FOXP1: variants seen among roughly 807,000 people sequenced by gnomAD.
FOXP1 encodes the protein forkhead box protein P1.
A neutral mutation model predicts 98.2 loss-of-function variants in FOXP1; 15 were observed. The observed-to-expected ratio is 0.15, with a 90% CI of 0.10 to 0.24. FOXP1 has a LOEUF of 0.24. Ranked by LOEUF, FOXP1 falls within the 10% of genes least tolerant of loss-of-function variation. FOXP1 has a pLI of 1.00. For missense variants in FOXP1, 633 were observed against 848.5 expected (o/e 0.75, Z 3.15); for synonymous variants, 371 against 314.5 (o/e 1.18, Z -1.90).
intron 19 of FOXP1, chr3:70,970,401 G>C (rs1395281741): frequency 2.9e-6 from 1 of 347,202 alleles, no homozygotes; most frequent in African/African-American, 2.1e-5. Context: ...CTATCATCCA[G>C]CACATTAATA....
chr3:70,993,393 T>C (rs2040904432), intron 13 of FOXP1, among the ~76,000 whole-genome samples: 1 of 152,080 alleles, frequency 6.6e-6, no homozygotes, highest in African/African-American at 2.4e-5. Flanking sequence ...GCCACAATGA[T>C]CCTCTGGGTG....
rs189678752 is a variant in FOXP1, at chr3:71,534,312, G to A, written c.-297-40757C>T. 6.6e-5 allele frequency among the ~76,000 whole-genome samples: 10 copies of A among 152,206 alleles called. No individual in the cohort carries two copies. In the East Asian group the frequency reaches 1.7e-3, roughly 26 times the overall value. ...TGGGGGGGTGGAGGTTGCAGTGAGT[G>A]GAGATCACGCCATTGCACTCCAGCC... On this transcript the variant is annotated intron_variant, in intron 2 of 20. Coordinates refer to ENST00000649528, the MANE Select transcript of FOXP1 (RefSeq NM_001349338.3).
intron 5 of FOXP1, among the ~76,000 whole-genome samples, chr3:71,241,233 AAAAAAAC>A (rs2067253597): frequency 2.1e-5 from 3 of 141,162 alleles, no homozygotes; most frequent in Non-Finnish European, 4.7e-5. Context: ...AAAACAAAAC[AAAAAAAC>A]AAAAAAAAAA....
chr3:71,190,465 AAAC>A (rs2062896160), intron 6 of FOXP1, among the ~76,000 whole-genome samples: 1 of 126,008 alleles, frequency 7.9e-6, no homozygotes, highest in Non-Finnish European at 1.5e-5. Flanking sequence ...ACAAAAAGAA[AAAC>A]AACAACAAAA....
chr3:71,390,821 G>C (rs41412549), intron 3 of FOXP1, among the ~76,000 whole-genome samples: 1,841 of 152,238 alleles, frequency 0.012, 44 homozygotes, highest in African/African-American at 0.042. Flanking sequence ...TCAAATTCTT[G>C]TGCAGTGCCG....
At chr3:71,423,725 T>G (rs2083854129) in intron 3 of FOXP1, among the ~76,000 whole-genome samples, 1 of 152,188 alleles carries the variant, frequency 6.6e-6, no homozygotes, top group South Asian at 2.1e-4. Flanking sequence ...CCAGGCACAC[T>G]GTATCTCCCA....
intron 4 of FOXP1, among the ~76,000 whole-genome samples, chr3:71,343,176 C>T (rs1231459938): frequency 6.6e-6 from 1 of 152,222 alleles, no homozygotes; most frequent in African/African-American, 2.4e-5. Flanking sequence ...CTACTTCTCA[C>T]TAACATAGAG....
At chr3:71,176,971 G>C (rs1462646017) in intron 6 of FOXP1, among the ~76,000 whole-genome samples, 1 of 152,078 alleles carries the variant, frequency 6.6e-6, no homozygotes, top group Non-Finnish European at 1.5e-5. Flanking sequence ...TTTGAGGCAA[G>C]AGGATCAATG....
At chr3:71,385,750 A>G (rs1459902207) in intron 3 of FOXP1, among the ~76,000 whole-genome samples, 1 of 152,058 alleles carries the variant, frequency 6.6e-6, no homozygotes, top group African/African-American at 2.4e-5. Context: ...GTGCAGAAAG[A>G]TTTTTCTTTA....
chr3:71,346,392 T>A (rs895519219), intron 4 of FOXP1, among the ~76,000 whole-genome samples: 3 of 152,190 alleles, frequency 2.0e-5, no homozygotes, highest in Non-Finnish European at 2.9e-5. Context: ...AAGAGGCATT[T>A]TTTTCACTGA....
intron 3 of FOXP1, among the ~76,000 whole-genome samples, chr3:71,410,276 C>T (rs2082636958): frequency 6.6e-6 from 1 of 152,180 alleles, no homozygotes; most frequent in Non-Finnish European, 1.5e-5. Flanking sequence ...GCTTCTGAGA[C>T]ACAGAATCAG....
At chr3:71,068,836 C>T (rs936144301) in intron 7 of FOXP1, among the ~76,000 whole-genome samples, 1 of 152,180 alleles carries the variant, frequency 6.6e-6, no homozygotes, top group Non-Finnish European at 1.5e-5. Context: ...CGCGCCTCCC[C>T]AGAAGGAGGA....
chr3:71,338,840 G>C (rs1042986348), intron 4 of FOXP1, among the ~76,000 whole-genome samples: 1 of 152,178 alleles, frequency 6.6e-6, no homozygotes, highest in African/African-American at 2.4e-5. Flanking sequence ...ATGGTTAAAA[G>C]GTGTGGAAAA....
chr3:71,182,296 T>C (rs535704277), intron 6 of FOXP1, among the ~76,000 whole-genome samples: 1 of 152,246 alleles, frequency 6.6e-6, no homozygotes, highest in Admixed American at 6.5e-5. Flanking sequence ...ACAAATTGTA[T>C]TCCCTTATTC....
At chr3:71,505,773 C>T (rs2107254745) in intron 2 of FOXP1, among the ~76,000 whole-genome samples, 1 of 152,326 alleles carries the variant, frequency 6.6e-6, no homozygotes, top group South Asian at 2.1e-4. Flanking sequence ...TTCAATTCTC[C>T]CATTTTCTTC....
At chr3:71,533,888 TG>T (rs1299044819) in intron 2 of FOXP1, among the ~76,000 whole-genome samples, 9 of 151,924 alleles carry the variant, frequency 5.9e-5, no homozygotes, top group African/African-American at 2.2e-4. Context: ...GGGTTTAAGG[TG>T]ATTGTAACCC....
At chr3:71,360,762 G>A (rs1241870905) in intron 3 of FOXP1, 2 of 152,170 alleles carry the variant, frequency 1.3e-5, no homozygotes, top group Non-Finnish European at 2.9e-5. Flanking sequence ...TCTTTCAATA[G>A]TAAATTCAGG....
chr3:71,437,112 T>C (rs2085442522), intron 3 of FOXP1, among the ~76,000 whole-genome samples: 1 of 152,284 alleles, frequency 6.6e-6, no homozygotes, highest in African/African-American at 2.4e-5. Context: ...CTTCTAAGAA[T>C]GTATAAAAAG....
chr3:71,196,389 G>C (rs929428436), intron 6 of FOXP1, among the ~76,000 whole-genome samples: 5 of 152,160 alleles, frequency 3.3e-5, no homozygotes, highest in Admixed American at 2.6e-4. Context: ...GCATGTGTGT[G>C]TGCACATGTT....
Sources: allele counts gnomAD v4.1 joint callset (sites outside exome capture counted in the v4.1 genomes callset), GRCh38; gene constraint gnomAD v4.1.1; transcripts MANE v1.5; gene names NCBI Gene and HGNC (gene_info 2026-07-23, HGNC 2026-07-21).